ETFA: variants seen among roughly 807,000 people sequenced by gnomAD.
The protein encoded by ETFA is electron transfer flavoprotein subunit alpha, mitochondrial.
In ETFA, 22 loss-of-function variants were observed where a neutral mutation model predicts 46.2. That is an observed-to-expected ratio of 0.48 (90% CI 0.34 to 0.68). The LOEUF (loss-of-function observed/expected upper bound fraction) is 0.68. Ranked by LOEUF, ETFA falls within the 30% of genes least tolerant of loss-of-function variation. The pLI is 0.01. For missense variants in ETFA, 345 were observed against 401.1 expected, an observed-to-expected ratio of 0.86 and a Z score of 1.19; for synonymous variants, 131 against 139.9, an observed-to-expected ratio of 0.94 and a Z score of 0.45.
chr15:76,246,694 G>A (rs1417650653), intron 9 of ETFA, among the ~76,000 whole-genome samples: 1 of 151,878 alleles, frequency 6.6e-6, no homozygotes, highest in African/African-American at 2.4e-5. Context: ...TTAGCCGGGC[G>A]TGGTGGCAGG....
At chr15:76,308,243 T>A (rs528593339) in intron 1 of ETFA, among the ~76,000 whole-genome samples, 2 of 152,156 alleles carry the variant, frequency 1.3e-5, no homozygotes, top group Non-Finnish European at 2.9e-5. Context: ...CAGGCAAAAA[T>A]CATCAACAGA....
At chr15:76,268,352 A>G (rs542962108) in intron 9 of ETFA, among the ~76,000 whole-genome samples, 196 of 152,284 alleles carry the variant, frequency 1.3e-3, no homozygotes, top group Non-Finnish European at 2.4e-3. Context: ...GATCCCAACC[A>G]TGGACCGGGT....
intron 1 of ETFA, among the ~76,000 whole-genome samples, chr15:76,309,265 C>G (rs1179733870): frequency 6.6e-6 from 1 of 152,146 alleles, no homozygotes; most frequent in Non-Finnish European, 1.5e-5. Context: ...CCGGCTAACA[C>G]AGTGAAACCC....
intron 4 of ETFA, among the ~76,000 whole-genome samples, chr15:76,289,406 T>C (rs2039736311): frequency 6.6e-6 from 1 of 152,254 alleles, no homozygotes; most frequent in Admixed American, 6.5e-5. Flanking sequence ...AGACTTTGCC[T>C]CTTTTAAAAG....
At chr15:76,283,991 T>C (rs2039680714) in intron 7 of ETFA, 166 bp from the exon 8 acceptor site, 1 of 601,086 alleles carries the variant, frequency 1.7e-6, no homozygotes, top group Non-Finnish European at 3.0e-6. Context: ...CCTATACTTC[T>C]ATAAAGCATT....
chr15:76,218,551 G>A (rs779848156), intron 11 of ETFA, among the ~76,000 whole-genome samples: 11 of 152,184 alleles, frequency 7.2e-5, no homozygotes, highest in East Asian at 1.9e-4. Flanking sequence ...GATTACAGGC[G>A]TGAGCCACTG....
intron 4 of ETFA, among the ~76,000 whole-genome samples, chr15:76,291,911 T>C (rs1425993122): frequency 6.6e-6 from 1 of 152,070 alleles, no homozygotes; most frequent in Non-Finnish European, 1.5e-5. Flanking sequence ...CCCTCCATTT[T>C]TAACTTTATG....
At chr15:76,216,661 C>T (rs1307325838) in intron 11 of ETFA, 64 bp from the exon 12 acceptor site, 17 of 1,056,760 alleles carry the variant, frequency 1.6e-5, no homozygotes, top group East Asian at 9.4e-5. Context: ...GTCACAGCTC[C>T]GTAAGCATTA....
chr15:76,274,517 A>AT, intron 8 of ETFA, 23 bp from the exon 9 acceptor site: 3 of 1,582,652 alleles, frequency 1.9e-6, no homozygotes, highest in Non-Finnish European at 1.7e-6. Context: ...AATATTTGTC[A>AT]TTTTTTTCAA....
At chr15:76,232,090 C>T (rs1288289952) in intron 9 of ETFA, among the ~76,000 whole-genome samples, 3 of 152,012 alleles carry the variant, frequency 2.0e-5, no homozygotes, top group South Asian at 2.1e-4. Context: ...CAGAGCCTAA[C>T]AAAAAGGCCT....
intron 4 of ETFA, among the ~76,000 whole-genome samples, chr15:76,289,502 C>T (rs911098198): frequency 8.6e-5 from 13 of 151,924 alleles, no homozygotes; most frequent in African/African-American, 2.9e-4. Context: ...GAAATTTTAC[C>T]ATGGTACTTA....
chr15:76,261,556 C>G (rs1457699270), intron 9 of ETFA: 1 of 597,288 alleles, frequency 1.7e-6, no homozygotes, highest in Non-Finnish European at 3.0e-6. Context: ...TGCCGGGACT[C>G]CCACGAGCTT....
At chr15:76,297,152 A>T (rs951438819) in intron 1 of ETFA, among the ~76,000 whole-genome samples, 2 of 152,220 alleles carry the variant, frequency 1.3e-5, no homozygotes, top group African/African-American at 2.4e-5. Context: ...GAAACTTAAA[A>T]GGAGGGTATG....
rs3866542 is a variant in ETFA at position 76,271,914 on chromosome 15, T to TAC, written c.816+2496_816+2497dup. Reference sequence around the variant, plus strand: ...ATATATGCGTATATGTGTGTGTATATACACACACACACACACACACACACA... The same window carrying TAC: ...ATATATGCGTATATGTGTGTGTATATACACACACACACACACACACACACACA... On this transcript the variant is annotated intron_variant, in intron 9 of 11. Transcript: ENST00000557943. 4.2e-3 allele frequency among the ~76,000 whole-genome samples: 627 copies of TAC among 148,786 alleles called. 2 individuals are homozygous for TAC. The highest frequency in any genetic ancestry group is 0.013 in the Admixed American group (193 of 14,944).
intron 11 of ETFA, among the ~76,000 whole-genome samples, chr15:76,223,026 G>A (rs906232408): frequency 6.6e-6 from 1 of 151,696 alleles, no homozygotes; most frequent in African/African-American, 2.4e-5. Context: ...GTAGAGATGG[G>A]GTTTCACCAT....
intron 11 of ETFA, among the ~76,000 whole-genome samples, chr15:76,219,844 G>A (rs2038940863): frequency 6.6e-6 from 1 of 152,210 alleles, no homozygotes; most frequent in South Asian, 2.1e-4. Context: ...TGTTACTGAG[G>A]ATGTGGAAAA....
chr15:76,245,709 G>A (rs2039237019), intron 9 of ETFA, among the ~76,000 whole-genome samples: 1 of 152,170 alleles, frequency 6.6e-6, no homozygotes, highest in African/African-American at 2.4e-5. Context: ...CTAAGAAGTT[G>A]CACTAAGCGT....
chr15:76,275,282 G>A (rs772192924), intron 8 of ETFA, among the ~76,000 whole-genome samples: 19 of 152,022 alleles, frequency 1.2e-4, no homozygotes, highest in Non-Finnish European at 2.4e-4. Context: ...CAATATCAGC[G>A]AAACTTAAGT....
At chr15:76,293,997 G>A (rs2039794051) in intron 2 of ETFA, among the ~76,000 whole-genome samples, 1 of 150,790 alleles carries the variant, frequency 6.6e-6, no homozygotes, top group Non-Finnish European at 1.5e-5. Flanking sequence ...CTGGCAAAAC[G>A]GCTGGCATTA....
Sources: gnomAD v4.1 joint callset for allele counts (sites outside exome capture counted in the v4.1 genomes callset) on GRCh38, gnomAD v4.1.1 for gene constraint, MANE v1.5 for transcripts, NCBI Gene and HGNC (gene_info 2026-07-23, HGNC 2026-07-21) for gene names.